The following STPG2 variants were observed in gnomAD, a reference collection of about 807,000 sequenced individuals.
STPG2 encodes the protein sperm tail PG-rich repeat containing 2, also known as sperm-tail PG-rich repeat-containing protein 2.
Under a neutral mutation model 54.2 loss-of-function variants are expected in STPG2, and 56 were observed. The ratio of observed to expected loss-of-function variants is 1.03; its 90% confidence interval spans 0.83 to 1.29. The LOEUF (loss-of-function observed/expected upper bound fraction) is 1.29, where lower values mean the gene tolerates loss of function less well. Among genes scored for constraint, STPG2 ranks in the 50% most tolerant of loss-of-function variants. The probability of loss-of-function intolerance (pLI) is 0.00; values close to 1 mark genes in which losing one functional copy is unlikely to be tolerated. For synonymous variants in STPG2, 200 were observed against 181.8 expected (o/e 1.10, Z -0.81); for missense variants, 596 against 544.9 (o/e 1.09, Z -0.93).
At chr4:97,743,818 C>A (rs561759741) in intron 9 of STPG2, among the ~76,000 whole-genome samples, 2 of 151,594 alleles carry the variant, frequency 1.3e-5, no homozygotes, top group East Asian at 1.9e-4. Flanking sequence ...TGGGAAAAAT[C>A]TTCCCAAAAG....
At chr4:97,822,299 C>A (rs1728118654) in intron 9 of STPG2, among the ~76,000 whole-genome samples, 1 of 152,180 alleles carries the variant, frequency 6.6e-6, no homozygotes, top group African/African-American at 2.4e-5. Flanking sequence ...TCATTTTCAT[C>A]TGAGACCTTG....
chr4:97,637,696 A>C (rs372349855), intron 10 of STPG2, among the ~76,000 whole-genome samples: 22 of 152,296 alleles, frequency 1.4e-4, no homozygotes, highest in East Asian at 9.7e-4. Context: ...CTATACACCA[A>C]CAACAAACAA....
At chr4:97,680,194 T>C (rs1722988600) in intron 10 of STPG2, among the ~76,000 whole-genome samples, 2 of 151,714 alleles carry the variant, frequency 1.3e-5, no homozygotes, top group South Asian at 4.2e-4. Flanking sequence ...GGGGATGGCA[T>C]TGAATCTGTA....
chr4:97,777,720 T>C (rs1726426585), intron 9 of STPG2, among the ~76,000 whole-genome samples: 1 of 152,224 alleles, frequency 6.6e-6, no homozygotes, highest in African/African-American at 2.4e-5. Context: ...AGTTAACTTC[T>C]CTATTCTAGA....
intron 10 of STPG2, among the ~76,000 whole-genome samples, chr4:97,594,602 C>T (rs1270343767): frequency 2.0e-5 from 3 of 152,126 alleles, no homozygotes; most frequent in African/African-American, 7.2e-5. Flanking sequence ...AAAATTTCTC[C>T]AACCTCACCG....
chr4:98,075,760 A>G (rs1165070973), intron 5 of STPG2, among the ~76,000 whole-genome samples: 3 of 152,230 alleles, frequency 2.0e-5, no homozygotes, highest in Non-Finnish European at 4.4e-5. Context: ...AAGGAAAAAA[A>G]TAGTTACATA....
chr4:97,636,686 A>G (rs1024703224), intron 10 of STPG2, among the ~76,000 whole-genome samples: 25 of 152,324 alleles, frequency 1.6e-4, no homozygotes, highest in Non-Finnish European at 2.8e-4. Context: ...CAGAAATACA[A>G]ACTACCATCA....
intron 4 of STPG2, among the ~76,000 whole-genome samples, chr4:97,505,310 C>A (rs570463262): frequency 6.6e-6 from 1 of 151,958 alleles, no homozygotes; most frequent in Non-Finnish European, 1.5e-5. Context: ...TGTTTGCTTA[C>A]TATTGTCCCA....
intron 10 of STPG2, among the ~76,000 whole-genome samples, chr4:97,675,252 C>T (rs1722804437): frequency 6.6e-6 from 1 of 152,142 alleles, no homozygotes; most frequent in South Asian, 2.1e-4. Flanking sequence ...ATCCACCCGC[C>T]TCGGCCTCCC....
chr4:97,733,489 G>A (rs757688527), intron 9 of STPG2, among the ~76,000 whole-genome samples: 10 of 151,812 alleles, frequency 6.6e-5, no homozygotes, highest in Admixed American at 2.0e-4. Context: ...TAGGTACAAT[G>A]TACATTACTC....
intron 9 of STPG2, among the ~76,000 whole-genome samples, chr4:97,738,933 C>G (rs917658451): frequency 2.0e-5 from 3 of 152,158 alleles, no homozygotes; most frequent in African/African-American, 7.2e-5. Context: ...CCGCACCACA[C>G]CTATTCCAAA....
intron 8 of STPG2, among the ~76,000 whole-genome samples, chr4:97,848,703 C>A (rs983930058): frequency 1.3e-5 from 2 of 152,080 alleles, no homozygotes; most frequent in Non-Finnish European, 2.9e-5. Flanking sequence ...GATCCAGTTT[C>A]AGCTTTCTAC....
intron 8 of STPG2, among the ~76,000 whole-genome samples, chr4:97,905,180 G>T (rs1731355301): frequency 6.6e-6 from 1 of 151,430 alleles, no homozygotes; most frequent in Non-Finnish European, 1.5e-5. Context: ...TGAAATGAAG[G>T]AAAAAATGTT....
At chr4:97,623,633 A>C (rs1309316451) in intron 10 of STPG2, among the ~76,000 whole-genome samples, 2 of 152,242 alleles carry the variant, frequency 1.3e-5, no homozygotes, top group South Asian at 2.1e-4. Context: ...TTTTTAAAAA[A>C]TTTCACTTTA....
intron 5 of STPG2, among the ~76,000 whole-genome samples, chr4:98,042,697 T>C (rs1211625687): frequency 6.8e-6 from 1 of 146,696 alleles, no homozygotes; most frequent in Non-Finnish European, 1.5e-5. Flanking sequence ...TTTTCAAAAA[T>C]TTATTGAAAC....
intron 4 of STPG2, among the ~76,000 whole-genome samples, chr4:97,541,345 A>T (rs969022608): frequency 6.6e-6 from 1 of 152,194 alleles, no homozygotes; most frequent in Non-Finnish European, 1.5e-5. Flanking sequence ...CAGAGAGCCA[A>T]ATCATGAGTG....
At chr4:97,634,695 A>G (rs1337044989) in intron 10 of STPG2, among the ~76,000 whole-genome samples, 1 of 152,106 alleles carries the variant, frequency 6.6e-6, no homozygotes, top group African/African-American at 2.4e-5. Context: ...TGAAGAATGC[A>G]GAAGCCTCAG....
chr4:97,735,670 A>G (rs1724961438), intron 9 of STPG2, among the ~76,000 whole-genome samples: 1 of 150,138 alleles, frequency 6.7e-6, no homozygotes, highest in African/African-American at 2.4e-5. Flanking sequence ...CTTATAATAT[A>G]TAAGGATACA....
In STPG2 at chr4:97,805,342, G is replaced by C. The variant is rs1304691257; in HGVS notation, c.1204+35431C>G. Among the ~76,000 whole-genome samples the C allele has an allele frequency of 4.6e-5, 7 of 152,152 alleles. No homozygotes were observed. In the East Asian group the frequency reaches 1.4e-3, roughly 29 times the overall value. On this transcript the variant is annotated intron_variant, in intron 9 of 10. Coordinates refer to ENST00000295268, the MANE Select transcript of STPG2 (RefSeq NM_174952.3). The stretch of plus-strand genomic sequence containing the variant: ...TCATGCCTCAGCCTCTGAGTAGCTG[G>C]GATTACAGGCGCGCACCACCACACC...
Sources: gnomAD v4.1 joint callset for allele counts (sites outside exome capture counted in the v4.1 genomes callset) on GRCh38, gnomAD v4.1.1 for gene constraint, MANE v1.5 for transcripts, NCBI Gene and HGNC (gene_info 2026-07-23, HGNC 2026-07-21) for gene names.